The following DMXL2 variants were observed in gnomAD, a reference collection of about 807,000 sequenced individuals.
DMXL2 encodes the protein dmX-like protein 2.
In DMXL2, 103 loss-of-function variants were observed where a neutral mutation model predicts 331.1. The ratio of observed to expected loss-of-function variants is 0.31; its 90% CI spans 0.27 to 0.37. DMXL2 has a LOEUF of 0.37. DMXL2 is among the 10% of genes least tolerant of loss of function. The pLI is 1.00. For missense variants in DMXL2, 3,171 were observed against 3,642.9 expected (o/e 0.87, Z 3.33); for synonymous variants, 1,281 against 1,252.1 (o/e 1.02, Z -0.49).
intron 29 of DMXL2, among the ~76,000 whole-genome samples, chr15:51,466,866 GATTAGCTGGGGA>G (rs1231791918): frequency 1.3e-5 from 2 of 151,784 alleles, no homozygotes; most frequent in East Asian, 3.9e-4. Context: ...AAATAGATGA[GATTAGCTGGGGA>G]ATTTTTTTTA....
chr15:51,479,804 C>A, intron 25 of DMXL2, 144 bp downstream of exon 25: 1 of 491,114 alleles, frequency 2.0e-6, no homozygotes, highest in Non-Finnish European at 3.3e-6. Flanking sequence ...AAATTACATT[C>A]ATTGGACTAA....
intron 40 of DMXL2, among the ~76,000 whole-genome samples, 179 bp downstream of exon 40, chr15:51,454,972 T>A (rs188299688): frequency 2.0e-5 from 3 of 152,310 alleles, no homozygotes; most frequent in Admixed American, 6.5e-5. Context: ...GGCTTTTTGT[T>A]TTTCAGGTCA....
Position 51,474,620 on chromosome 15 carries a change from G to A in DMXL2, c.6965-28C>T, listed in dbSNP as rs776120587. On this transcript the variant is annotated intron_variant, in intron 27 of 43. Transcript: ENST00000560891. ...ATAAGGGTATATAAAATCATAAGAC[G>A]TATGTCAGGATGAAGCACCAGAAGG... The A allele has an allele frequency of 1.7e-5, 26 of 1,549,588 alleles. No homozygotes were observed. The African/African-American group carries it at 1.9e-4, about 11-fold the overall frequency.
intron 23 of DMXL2, among the ~76,000 whole-genome samples, chr15:51,485,480 T>G (rs1458139662): frequency 1.3e-5 from 2 of 152,236 alleles, no homozygotes; most frequent in South Asian, 4.1e-4. Context: ...AACATACATA[T>G]GCCAAATGCA....
intron 26 of DMXL2, among the ~76,000 whole-genome samples, chr15:51,477,136 C>T (rs2041650578): frequency 6.6e-6 from 1 of 151,838 alleles, no homozygotes; most frequent in South Asian, 2.1e-4. Flanking sequence ...GCAAGTTTAA[C>T]CCTAAATTAA....
At chr15:51,523,318 G>T (rs998537867) in intron 13 of DMXL2, among the ~76,000 whole-genome samples, 1 of 152,174 alleles carries the variant, frequency 6.6e-6, no homozygotes, top group Non-Finnish European at 1.5e-5. Context: ...ATTTTAGAAA[G>T]GTTAAAAAAT....
chr15:51,466,122 T>C, intron 30 of DMXL2, 62 bp downstream of exon 30: 3 of 1,245,228 alleles, frequency 2.4e-6, no homozygotes, highest in Non-Finnish European at 3.3e-6. Flanking sequence ...ATTAATAACA[T>C]TGATATTTTC....
At chr15:51,503,201 T>A (rs1373855111) in intron 16 of DMXL2, among the ~76,000 whole-genome samples, 168 bp from the exon 17 acceptor site, 3 of 152,114 alleles carry the variant, frequency 2.0e-5, no homozygotes, top group African/African-American at 7.2e-5. Flanking sequence ...ACCATATGAC[T>A]CAGCAATCTC....
chr15:51,576,308 T>C (rs1040281758), intron 1 of DMXL2, 127 bp from the exon 2 acceptor site: 25 of 658,650 alleles, frequency 3.8e-5, no homozygotes, highest in Admixed American at 3.9e-5. Flanking sequence ...TTTTACAAAA[T>C]AGTTAATATA....
intron 3 of DMXL2, among the ~76,000 whole-genome samples, chr15:51,566,586 T>A (rs1023897647): frequency 6.6e-6 from 1 of 152,104 alleles, no homozygotes. Context: ...TCTTAAGTAG[T>A]CCAAAATTTG....
intron 19 of DMXL2, among the ~76,000 whole-genome samples, chr15:51,492,888 T>C (rs1214269112): frequency 6.6e-6 from 1 of 152,202 alleles, no homozygotes; most frequent in African/African-American, 2.4e-5. Flanking sequence ...TTTCAACTAC[T>C]ATATAGATTT....
At position 51,614,481 on chromosome 15, in the gene DMXL2, C is replaced by T. The variant is rs535789095; in HGVS notation, c.87+7978G>A. Among the ~76,000 whole-genome samples, 150 of 152,322 alleles carry T rather than the reference C, an allele frequency of 9.8e-4. 2 individuals are homozygous for T. Among genetic ancestry groups the T allele is most frequent in the African/African-American group, 3.4e-3 (143 of 41,582 alleles). ...AACCACCTGTCAATTCCTCCTGATA[C>T]ATTAATATATATCCTTGGAGTAAAC... On this transcript the variant is annotated intron_variant, in intron 1 of 43. Coordinates refer to ENST00000560891, the MANE Select transcript of DMXL2 (RefSeq NM_001378457.1).
At chr15:51,581,269 T>C (rs2051395979) in intron 1 of DMXL2, among the ~76,000 whole-genome samples, 1 of 152,170 alleles carries the variant, frequency 6.6e-6, no homozygotes, top group Non-Finnish European at 1.5e-5. Context: ...TTTATGAGAA[T>C]CTAATGATAA....
chr15:51,525,123 C>T (rs910145512), intron 13 of DMXL2, among the ~76,000 whole-genome samples: 10 of 151,744 alleles, frequency 6.6e-5, no homozygotes, highest in Non-Finnish European at 1.2e-4. Context: ...ATTTCCCACA[C>T]GACATTTGTA....
intron 1 of DMXL2, among the ~76,000 whole-genome samples, chr15:51,621,746 T>TAA (rs145394721): frequency 1.3e-5 from 2 of 151,844 alleles, no homozygotes; most frequent in Non-Finnish European, 2.9e-5. Flanking sequence ...CTTACTATAT[T>TAA]AAAAAAAAGG....
At chr15:51,504,509 T>A (rs1196558041) in intron 16 of DMXL2, among the ~76,000 whole-genome samples, 1 of 152,210 alleles carries the variant, frequency 6.6e-6, no homozygotes, top group Non-Finnish European at 1.5e-5. Context: ...TACTCTATAT[T>A]TATTTATTTA....
intron 24 of DMXL2, 96 bp downstream of exon 24, chr15:51,480,442 TTAAC>T: frequency 2.2e-6 from 3 of 1,344,226 alleles, no homozygotes; most frequent in Non-Finnish European, 3.0e-6. Flanking sequence ...CATATTTAGA[TTAAC>T]TAGTAAAAAG....
At chr15:51,469,574 A>G (rs2040907114) in intron 29 of DMXL2, among the ~76,000 whole-genome samples, 1 of 152,224 alleles carries the variant, frequency 6.6e-6, no homozygotes, top group South Asian at 2.1e-4. Flanking sequence ...TGTTGCACAG[A>G]TGAGTGCTAT....
chr15:51,474,521 A>C lies in DMXL2; in HGVS notation c.7036T>G (p.Cys2346Gly), dbSNP rs371929661. 4.2e-5 allele frequency: 67 copies of C among 1,614,054 alleles called. No individual in the cohort carries two copies. Among genetic ancestry groups the C allele is most frequent in the Non-Finnish European group, 5.4e-5 (64 of 1,180,018 alleles). Residue 2346 changes from cysteine to glycine, a missense_variant, in exon 28 of 44, where the codon TGT becomes GGT. Cys to Gly is a radical substitution (Grantham distance 159). This residue lies in a region of DMXL2 where 766 missense variants were observed against 940.5 expected (regional missense o/e 0.81). Coordinates refer to ENST00000560891, the MANE Select transcript of DMXL2 (RefSeq NM_001378457.1). ...EDQPKLNILL[C>G]EAVVAVYLSL... The stretch of plus-strand genomic sequence containing the variant: ...AAGTAAACAGCAACAACAGCTTCAC[A>C]TAGCAAAATGTTCAGTTTTGGCTGG...
Sources: allele counts gnomAD v4.1 joint callset (sites outside exome capture counted in the v4.1 genomes callset), GRCh38; gene constraint gnomAD v4.1.1; regional missense constraint gnomAD v4.1.1; transcripts MANE v1.5; gene names NCBI Gene and HGNC (gene_info 2026-07-23, HGNC 2026-07-21).